The following ATR variants were observed in gnomAD, a reference collection of about 807,000 sequenced individuals.
ATR encodes the protein ATR checkpoint kinase, also known as serine/threonine-protein kinase ATR.
Under a neutral mutation model 305.3 loss-of-function variants are expected in ATR, and 142 were observed. That is an observed-to-expected ratio of 0.47 (90% CI 0.41 to 0.53). The LOEUF is 0.53. Ranked by LOEUF, ATR falls within the 20% of genes least tolerant of loss-of-function variation. The pLI is 0.00. For missense variants in ATR, 2,135 were observed against 3,133.1 expected, an observed-to-expected ratio of 0.68 and a Z score of 7.60; for synonymous variants, 1,050 against 1,068.1, an observed-to-expected ratio of 0.98 and a Z score of 0.33.
intron 16 of ATR, 114 bp downstream of exon 16, chr3:142,547,611 A>T: frequency 1.6e-6 from 2 of 1,217,570 alleles, no homozygotes; most frequent in Non-Finnish European, 2.3e-6. Flanking sequence ...CTTAAAATTT[A>T]AACAAATGGC....
intron 33 of ATR, 77 bp from the exon 34 acceptor site, chr3:142,496,597 A>C: frequency 1.3e-6 from 2 of 1,487,062 alleles, no homozygotes; most frequent in South Asian, 1.1e-5. Flanking sequence ...AACAATTTAA[A>C]TCTAGGTCAT....
chr3:142,534,818 T>G (rs1383653243), intron 21 of ATR, among the ~76,000 whole-genome samples: 1 of 152,194 alleles, frequency 6.6e-6, no homozygotes, highest in African/African-American at 2.4e-5. Flanking sequence ...ATTATATACA[T>G]GTTTACTTAC....
intron 36 of ATR, among the ~76,000 whole-genome samples, chr3:142,471,648 A>T (rs1402256717): frequency 6.6e-6 from 1 of 152,174 alleles, no homozygotes; most frequent in Admixed American, 6.5e-5. Context: ...AATTGTGTAT[A>T]TTTATTGTGC....
intron 46 of ATR, chr3:142,452,747 T>A: frequency 9.3e-7 from 1 of 1,071,110 alleles, no homozygotes; most frequent in Non-Finnish European, 1.1e-6. Context: ...TTCAACTAAG[T>A]AAGAAGTGAA....
At chr3:142,491,697 T>C (rs2031288529) in intron 35 of ATR, among the ~76,000 whole-genome samples, 1 of 152,218 alleles carries the variant, frequency 6.6e-6, no homozygotes, top group South Asian at 2.1e-4. Flanking sequence ...CATCTTCTTG[T>C]AACCAAGGAA....
In ATR at chr3:142,458,955, T is replaced by A. The variant is rs2108259784; in HGVS notation, c.7503+3A>T. On this transcript the variant is annotated splice_donor_region_variant and intron_variant, in intron 44 of 46. Transcript: ENST00000350721. The stretch of plus-strand genomic sequence containing the variant: ...ATTAGTAAGAGTAACTCATATCACA[T>A]ACCTTATTGAAAAGACAATTGAAAT... 6.2e-7 allele frequency: 1 copy of A among 1,613,412 alleles called. No individual in the cohort carries two copies. The highest frequency in any genetic ancestry group is 8.5e-7 in the Non-Finnish European group (1 of 1,179,398).
chr3:142,532,941 G>A (rs2033717771), intron 21 of ATR, among the ~76,000 whole-genome samples: 1 of 152,086 alleles, frequency 6.6e-6, no homozygotes, highest in Non-Finnish European at 1.5e-5. Flanking sequence ...TATTCCTGTA[G>A]GTTCAACCAA....
intron 46 of ATR, chr3:142,452,110 G>T (rs1157361810): frequency 9.8e-7 from 1 of 1,019,494 alleles, no homozygotes; most frequent in Non-Finnish European, 1.2e-6. Flanking sequence ...AAGAACTAAA[G>T]AAGCAGCTAA....
chr3:142,532,032 T>C (rs1397080315), intron 21 of ATR, among the ~76,000 whole-genome samples: 1 of 152,204 alleles, frequency 6.6e-6, no homozygotes, highest in African/African-American at 2.4e-5. Flanking sequence ...TTTCATGTGT[T>C]TTTTGGCTGC....
chr3:142,489,558 T>C (rs1447532244), intron 35 of ATR, among the ~76,000 whole-genome samples: 1 of 152,238 alleles, frequency 6.6e-6, no homozygotes, highest in African/African-American at 2.4e-5. Flanking sequence ...AATGAAATCA[T>C]ATAAGCATAT....
intron 25 of ATR, among the ~76,000 whole-genome samples, chr3:142,514,640 A>G (rs182545945): frequency 1.4e-3 from 211 of 151,236 alleles, no homozygotes; most frequent in African/African-American, 5.0e-3. Flanking sequence ...TCTCGAAAAA[A>G]AAAAAAAAAT....
At chr3:142,461,168 T>G (rs929583908) in intron 42 of ATR, among the ~76,000 whole-genome samples, 1 of 152,150 alleles carries the variant, frequency 6.6e-6, no homozygotes, top group African/African-American at 2.4e-5. Flanking sequence ...CCCTTTATAA[T>G]TGTTAAGTAT....
In ATR at chr3:142,571,465, CAATAAATAAATAAATA is replaced by C. The variant is rs72292987; in HGVS notation, c.60-3327_60-3312del. Among the ~76,000 whole-genome samples, 570 of 143,252 alleles carry C rather than the reference CAATAAATAAATAAATA, an allele frequency of 4.0e-3. 2 individuals are homozygous for C. The highest frequency in any genetic ancestry group is 0.013 in the African/African-American group (494 of 38,684). The allele number at this position is 143,252 out of a possible 152,430, so 94.0% of individuals were successfully genotyped here. On this transcript the variant is annotated intron_variant, in intron 1 of 46. Transcript: ENST00000350721. ...TGGGCGACAGAGCGAGACTCAGTCT[CAATAAATAAATAAATA>C]AATAAATAAATAAATAAATAAATAA...
intron 27 of ATR, among the ~76,000 whole-genome samples, chr3:142,509,891 G>A (rs1433633448): frequency 6.6e-6 from 1 of 152,142 alleles, no homozygotes; most frequent in African/African-American, 2.4e-5. Flanking sequence ...CAAGGCAGGT[G>A]GATCGCCTGA....
chr3:142,510,468 A>G (rs1223914701), intron 27 of ATR, among the ~76,000 whole-genome samples: 1 of 151,902 alleles, frequency 6.6e-6, no homozygotes, highest in Non-Finnish European at 1.5e-5. Context: ...TCAAAAAAAG[A>G]AAAAAAAATT....
At chr3:142,495,876 G>A (rs1331032226) in intron 34 of ATR, among the ~76,000 whole-genome samples, 2 of 152,066 alleles carry the variant, frequency 1.3e-5, no homozygotes, top group Non-Finnish European at 2.9e-5. Flanking sequence ...GTGAACTTCT[G>A]TTCAGATGCT....
In ATR at chr3:142,484,906, T is replaced by C. The variant is rs79849345; in HGVS notation, c.6221+234A>G. The stretch of plus-strand genomic sequence containing the variant: ...TTGGTGTGAGAGCAGAGGAATAACA[T>C]AGTTAGAGAGAGTTTCCAAAACACA... On this transcript the variant is annotated intron_variant, in intron 36 of 46. Transcript: ENST00000350721. Among the ~76,000 whole-genome samples, 1,321 of 152,306 alleles carry C rather than the reference T, an allele frequency of 8.7e-3. 22 individuals carry two copies. The highest frequency in any genetic ancestry group is 0.029 in the African/African-American group (1,213 of 41,566).
At chr3:142,512,717 T>C (rs1036510809) in intron 26 of ATR, among the ~76,000 whole-genome samples, 3 of 152,024 alleles carry the variant, frequency 2.0e-5, no homozygotes, top group African/African-American at 7.2e-5. Context: ...TAGCCAGGCA[T>C]GGTGGCACAT....
chr3:142,498,490 T>C (rs898361129), intron 32 of ATR, 107 bp downstream of exon 32: 8 of 982,982 alleles, frequency 8.1e-6, no homozygotes, highest in African/African-American at 3.2e-5. Flanking sequence ...CTAGTGTAGC[T>C]ATGCATGAAA....
Sources: gnomAD v4.1 joint callset for allele counts (sites outside exome capture counted in the v4.1 genomes callset) on GRCh38, gnomAD v4.1.1 for gene constraint, MANE v1.5 for transcripts, NCBI Gene and HGNC (gene_info 2026-07-23, HGNC 2026-07-21) for gene names.